The following NTN1 variants were observed in gnomAD, a reference collection of about 807,000 sequenced individuals.
NTN1 encodes the protein netrin-1.
NTN1 carries 11 observed loss-of-function variants against 54.2 expected under a neutral mutation model. The observed-to-expected ratio is 0.20, with a 90% CI of 0.13 to 0.34. The LOEUF (loss-of-function observed/expected upper bound fraction) is 0.34. NTN1 is among the 10% of genes least tolerant of loss of function. The pLI, the probability that NTN1 is intolerant of heterozygous loss-of-function variation, is 1.00. For synonymous variants in NTN1, 371 were observed against 382.0 expected (o/e 0.97, Z 0.33); for missense variants, 740 against 893.1 (o/e 0.83, Z 2.18).
rs189223749 is a variant in NTN1, at chr17:9,222,778, C to T, written c.1486+1536C>T. ...CCAGCTGCTTGAACAAGGCTTTCTTCTTTAATAAGGACAGTGGTCAGGACC... is the reference window on the plus strand; with the variant it reads ...CCAGCTGCTTGAACAAGGCTTTCTTTTTTAATAAGGACAGTGGTCAGGACC... On this transcript the variant is annotated intron_variant, in intron 6 of 6. Transcript: ENST00000173229. Among the ~76,000 whole-genome samples, 1,351 of 152,274 alleles carry T rather than the reference C, an allele frequency of 8.9e-3. 12 individuals carry two copies. Among genetic ancestry groups the T allele is most frequent in the Admixed American group, 0.031 (468 of 15,296 alleles).
At chr17:9,155,402 C>T (rs921368256) in intron 2 of NTN1, among the ~76,000 whole-genome samples, 7 of 148,156 alleles carry the variant, frequency 4.7e-5, no homozygotes, top group African/African-American at 1.7e-4. Flanking sequence ...AGTGCAATGG[C>T]GTGATCTCAG....
intron 2 of NTN1, among the ~76,000 whole-genome samples, chr17:9,103,013 G>T (rs72811910): frequency 0.052 from 7,916 of 152,292 alleles, 297 homozygotes; most frequent in Middle Eastern, 0.078. Flanking sequence ...CTGATGGTGA[G>T]TGTGGGGGGA....
chr17:9,229,579 C>T (rs528604019), intron 6 of NTN1, among the ~76,000 whole-genome samples: 2 of 152,302 alleles, frequency 1.3e-5, no homozygotes, highest in Admixed American at 1.3e-4. Context: ...AACTGGGACC[C>T]CATCGGGGCC....
rs1471575710 is a variant in NTN1 at position 9,219,775 on chromosome 17, T to C, written c.1412-1393T>C. Among the ~76,000 whole-genome samples the C allele has an allele frequency of 1.3e-5, 2 of 152,224 alleles. No homozygotes were observed. Among genetic ancestry groups the C allele is most frequent in the African/African-American group, 4.8e-5 (2 of 41,456 alleles). ...CACTCCTCCCCTACCTTGACCTTTG[T>C]TTTCCCCTCTGCGGGATAGGACGCT... On this transcript the variant is annotated intron_variant, in intron 5 of 6. Transcript: ENST00000173229. The surrounding 1 kb of genome is among the most constrained non-coding windows in gnomAD (Gnocchi z 4.5).
chr17:9,235,971 G>A (rs532962656), intron 6 of NTN1, among the ~76,000 whole-genome samples: 2 of 152,140 alleles, frequency 1.3e-5, no homozygotes, highest in Admixed American at 1.3e-4. Flanking sequence ...CCAAAGTGCT[G>A]GGATTACAGG....
chr17:9,039,993 G>A (rs1341969735), intron 2 of NTN1, among the ~76,000 whole-genome samples: 3 of 152,116 alleles, frequency 2.0e-5, no homozygotes, highest in African/African-American at 4.8e-5. Context: ...CATCTCTCTT[G>A]GGCAAATACC....
rs921574943 is a variant in NTN1 at position 9,101,045 on chromosome 17, G to A, written c.1019-61768G>A. On this transcript the variant is annotated intron_variant, in intron 2 of 6. Transcript: ENST00000173229. ...AAGTTGCCTTGATTCTGTATCACCC[G>A]ACATTTTCTCTTTATTAAATTCATT... 7.2e-5 allele frequency among the ~76,000 whole-genome samples: 11 copies of A among 152,220 alleles called. 1 individual carries two copies. Among genetic ancestry groups the A allele is most frequent in the Admixed American group, 4.6e-4 (7 of 15,278 alleles).
chr17:9,161,648 T>G (rs1321999547), intron 2 of NTN1, among the ~76,000 whole-genome samples: 3 of 152,028 alleles, frequency 2.0e-5, no homozygotes, highest in Non-Finnish European at 4.4e-5. Flanking sequence ...CGTGGTGGTG[T>G]GCACCTGTAA....
rs534343766 is a variant in NTN1 at position 9,211,895 on chromosome 17, T to A, written c.1412-9273T>A. 1.3e-5 allele frequency among the ~76,000 whole-genome samples: 2 copies of A among 152,336 alleles called. No homozygotes were observed. Among genetic ancestry groups the A allele is most frequent in the South Asian group, 4.1e-4 (2 of 4,826 alleles). ...TCTTTTTCTTAGTGATTCAGAAGAG[T>A]TCTTTATATGTGAAAGACACCAGTC... On this transcript the variant is annotated intron_variant, in intron 5 of 6. Coordinates refer to ENST00000173229, the MANE Select transcript of NTN1 (RefSeq NM_004822.3). This position sits in a 1 kb window ranked among gnomAD's most constrained non-coding sequence, Gnocchi z 4.4.
chr17:9,193,512 C>T (rs1410119736), intron 5 of NTN1, among the ~76,000 whole-genome samples: 8 of 152,166 alleles, frequency 5.3e-5, no homozygotes, highest in Non-Finnish European at 8.8e-5. Context: ...ATTATTATAC[C>T]TCACAAAATT....
chr17:9,046,848 G>A (rs1016847655), intron 2 of NTN1, among the ~76,000 whole-genome samples: 1 of 152,082 alleles, frequency 6.6e-6, no homozygotes, highest in Non-Finnish European at 1.5e-5. Context: ...GAAATGAGTT[G>A]TGATACGATC....
At position 9,210,014 on chromosome 17, in the gene NTN1, C is replaced by T. The variant is rs372688360; in HGVS notation, c.1412-11154C>T. Among the ~76,000 whole-genome samples the T allele has an allele frequency of 3.9e-5, 6 of 152,134 alleles. No individual in the cohort carries two copies. The East Asian group carries it at 9.7e-4, about 25-fold the overall frequency. Reference sequence around the variant, plus strand: ...ACCCAGCAGCCCTAGGTGACCTGGGCCAGGCCAGGCCCCTGGGGTGGCTTT... The same window carrying T: ...ACCCAGCAGCCCTAGGTGACCTGGGTCAGGCCAGGCCCCTGGGGTGGCTTT... On this transcript the variant is annotated intron_variant, in intron 5 of 6. Coordinates refer to ENST00000173229, the MANE Select transcript of NTN1 (RefSeq NM_004822.3).
chr17:9,203,428 CT>C, intron 5 of NTN1, among the ~76,000 whole-genome samples: 1 of 152,328 alleles, frequency 6.6e-6, no homozygotes, highest in Middle Eastern at 3.4e-3. Flanking sequence ...TCCAAAGAAT[CT>C]GAAGCACTTT....
intron 6 of NTN1, among the ~76,000 whole-genome samples, chr17:9,227,387 A>T (rs199533952): frequency 4.2e-5 from 2 of 47,282 alleles, no homozygotes; most frequent in Admixed American, 2.5e-4. Context: ...CACACCACAC[A>T]CTATCACACA....
At chr17:9,225,932 G>C (rs1905524504) in intron 6 of NTN1, among the ~76,000 whole-genome samples, 1 of 152,220 alleles carries the variant, frequency 6.6e-6, no homozygotes, top group South Asian at 2.1e-4. Flanking sequence ...TCCTCCTCCA[G>C]GCCTCGCAGA....
chr17:9,016,189 C>T, the NTN1 span, among the ~76,000 whole-genome samples: 3 of 152,152 alleles, frequency 2.0e-5, no homozygotes, highest in African/African-American at 7.2e-5. Flanking sequence ...CAGTCAATTT[C>T]ACTCTTTTCT....
At chr17:9,096,945 A>T (rs1390048075) in intron 2 of NTN1, among the ~76,000 whole-genome samples, 1 of 152,232 alleles carries the variant, frequency 6.6e-6, no homozygotes, top group Non-Finnish European at 1.5e-5. Flanking sequence ...TCATACAGTC[A>T]TACCATCAGC....
intron 2 of NTN1, among the ~76,000 whole-genome samples, chr17:9,092,424 A>G (rs949936526): frequency 2.9e-5 from 4 of 137,478 alleles, no homozygotes; most frequent in Non-Finnish European, 4.5e-5. Flanking sequence ...AGTAGCTGGT[A>G]TTATAGGCGC....
rs2142347382 is a variant in NTN1, at chr17:9,211,907, G to A, written c.1412-9261G>A. Among the ~76,000 whole-genome samples the A allele has an allele frequency of 6.6e-6, 1 of 152,228 alleles. No homozygotes were observed. The highest frequency in any genetic ancestry group is 1.5e-5 in the Non-Finnish European group (1 of 68,020). ...TGATTCAGAAGAGTTCTTTATATGT[G>A]AAAGACACCAGTCCTTGGCTTCCTG... On this transcript the variant is annotated intron_variant, in intron 5 of 6. Coordinates refer to ENST00000173229, the MANE Select transcript of NTN1 (RefSeq NM_004822.3). The surrounding 1 kb of genome is among the most constrained non-coding windows in gnomAD (Gnocchi z 4.4).
Sources: allele counts gnomAD v4.1 joint callset (sites outside exome capture counted in the v4.1 genomes callset), GRCh38; gene constraint gnomAD v4.1.1; non-coding constraint Gnocchi (gnomAD v3.1); transcripts MANE v1.5; gene names NCBI Gene and HGNC (gene_info 2026-07-23, HGNC 2026-07-21).